The following CCDC171 variants were observed in gnomAD, a reference collection of about 807,000 sequenced individuals.
CCDC171 encodes the protein coiled-coil domain-containing protein 171.
In CCDC171, 177 loss-of-function variants were observed where a neutral mutation model predicts 168.2. The observed-to-expected ratio is 1.05, with a 90% CI of 0.93 to 1.19. The LOEUF is 1.19. Among genes scored for constraint, CCDC171 ranks in the 50% most tolerant of loss-of-function variants. CCDC171 has a pLI of 0.00. For missense variants in CCDC171, 1,991 were observed against 1,539.0 expected (o/e 1.29, Z -4.91); for synonymous variants, 687 against 540.8 (o/e 1.27, Z -3.75).
intron 21 of CCDC171, among the ~76,000 whole-genome samples, chr9:15,787,996 T>C (rs1365237540): frequency 6.6e-6 from 1 of 152,210 alleles, no homozygotes; most frequent in Non-Finnish European, 1.5e-5. Flanking sequence ...ATAGTTTGTG[T>C]TTAGGTATAA....
intron 21 of CCDC171, among the ~76,000 whole-genome samples, chr9:15,838,441 G>A (rs1313561463): frequency 6.6e-6 from 1 of 152,018 alleles, no homozygotes; most frequent in Non-Finnish European, 1.5e-5. Context: ...GATCAAAGAG[G>A]GCTGCTTCAC....
chr9:15,605,372 C>G (rs1297745945), intron 6 of CCDC171, among the ~76,000 whole-genome samples: 1 of 151,850 alleles, frequency 6.6e-6, no homozygotes, highest in East Asian at 1.9e-4. Context: ...ACACTGATAA[C>G]TTTGTTATAA....
chr9:15,920,145 A>G (rs1825120359), intron 24 of CCDC171, 125 bp from the exon 25 acceptor site: 2 of 548,018 alleles, frequency 3.6e-6, no homozygotes, highest in Non-Finnish European at 6.0e-6. Context: ...TAGCTTTATT[A>G]TTTTAAAGAA....
At chr9:15,761,977 T>A (rs2056469689) in intron 18 of CCDC171, among the ~76,000 whole-genome samples, 1 of 152,160 alleles carries the variant, frequency 6.6e-6, no homozygotes, top group Non-Finnish European at 1.5e-5. Flanking sequence ...GGATAATTCA[T>A]CCTTGAAAGT....
chr9:15,905,584 T>G (rs1341717958), intron 24 of CCDC171, among the ~76,000 whole-genome samples: 1 of 152,038 alleles, frequency 6.6e-6, no homozygotes, highest in African/African-American at 2.4e-5. Context: ...AGATCTAAAA[T>G]TGACATCCTA....
intron 9 of CCDC171, 55 bp downstream of exon 9, chr9:15,666,378 A>G (rs1034592070): frequency 2.6e-5 from 33 of 1,263,192 alleles, no homozygotes; most frequent in East Asian, 1.5e-4. Flanking sequence ...TAAAAGAGCT[A>G]TATAAAATAT....
At chr9:15,870,185 G>A (rs1360351670) in intron 23 of CCDC171, among the ~76,000 whole-genome samples, 2 of 151,766 alleles carry the variant, frequency 1.3e-5, no homozygotes, top group African/African-American at 4.8e-5. Flanking sequence ...CTGCTCTTTG[G>A]TGCATAGGTT....
the CCDC171 span, among the ~76,000 whole-genome samples, chr9:16,095,458 C>A: frequency 6.6e-6 from 1 of 152,058 alleles, no homozygotes; most frequent in Non-Finnish European, 1.5e-5. Context: ...TCCACACTTT[C>A]TTTCTCTCTC....
At chr9:15,883,935 A>G (rs1211158535) in intron 24 of CCDC171, among the ~76,000 whole-genome samples, 1 of 152,250 alleles carries the variant, frequency 6.6e-6, no homozygotes, top group Admixed American at 6.5e-5. Flanking sequence ...CAGTTATGCA[A>G]CTTTGCTAGA....
intron 16 of CCDC171, among the ~76,000 whole-genome samples, chr9:15,736,259 C>G (rs189720620): frequency 2.6e-5 from 4 of 152,140 alleles, no homozygotes; most frequent in African/African-American, 9.7e-5. Flanking sequence ...TATTGTAATA[C>G]TGCTTCTTTT....
chr9:15,768,065 C>T (rs916000497), intron 18 of CCDC171, among the ~76,000 whole-genome samples: 4 of 150,032 alleles, frequency 2.7e-5, no homozygotes, highest in Admixed American at 6.7e-5. Flanking sequence ...CTTGTTGTCC[C>T]GAGCAGTCCC....
At chr9:15,876,727 A>G (rs1817891186) in intron 24 of CCDC171, among the ~76,000 whole-genome samples, 1 of 151,890 alleles carries the variant, frequency 6.6e-6, no homozygotes, top group African/African-American at 2.4e-5. Flanking sequence ...ATAGTATGAA[A>G]CTCTAATTTC....
At chr9:15,777,448 A>T in intron 18 of CCDC171, 152 bp from the exon 19 acceptor site, 1 of 513,642 alleles carries the variant, frequency 1.9e-6, no homozygotes, top group South Asian at 3.3e-5. Context: ...TTTCATAGTG[A>T]AAATAATGTG....
At chr9:15,707,669 A>G (rs1179229161) in intron 11 of CCDC171, among the ~76,000 whole-genome samples, 1 of 152,206 alleles carries the variant, frequency 6.6e-6, no homozygotes, top group African/African-American at 2.4e-5. Context: ...AAGTTTAAAA[A>G]CATACTATTA....
intron 3 of CCDC171, among the ~76,000 whole-genome samples, chr9:15,576,959 C>T (rs2040719864): frequency 6.6e-6 from 1 of 152,188 alleles, no homozygotes. Context: ...GGCTGGTTAC[C>T]TCAGTCAGAA....
At chr9:15,953,706 G>A (rs1829462633) in intron 25 of CCDC171, among the ~76,000 whole-genome samples, 1 of 152,130 alleles carries the variant, frequency 6.6e-6, no homozygotes, top group African/African-American at 2.4e-5. Context: ...TTATTTGGAA[G>A]TGTTCCCTTT....
At chr9:16,051,625 A>G (rs60249192) in intron 1 of CCDC171, among the ~76,000 whole-genome samples, 2,601 of 152,208 alleles carry the variant, frequency 0.017, 91 homozygotes, top group African/African-American at 0.06. Flanking sequence ...ATTAAACTTC[A>G]CTTGCTACCC....
intron 7 of CCDC171, among the ~76,000 whole-genome samples, chr9:15,630,501 T>C (rs1277824273): frequency 1.3e-5 from 2 of 152,138 alleles, no homozygotes; most frequent in Non-Finnish European, 2.9e-5. Context: ...GTGCACCCAA[T>C]ACAGGAGCAC....
In CCDC171 at chr9:15,591,412, A is replaced by C. The variant is rs775162549; in HGVS notation, c.399A>C (p.Ala133=). The change falls in exon 5 of 26, where the codon GCA becomes GCC. Residue 133 remains alanine, a synonymous_variant. Coordinates refer to ENST00000380701, the MANE Select transcript of CCDC171 (RefSeq NM_173550.4). ...CAAAGACAAATGAGACTGAGAAAGCATTTCAGACTTCTCAGCAAAAATGGA... is the reference window on the plus strand; with the variant it reads ...CAAAGACAAATGAGACTGAGAAAGCCTTTCAGACTTCTCAGCAAAAATGGA... ...LQAKTNETEK[A]FQTSQQKWKE... The C allele has an allele frequency of 5.0e-6, 8 of 1,608,810 alleles. No individual in the cohort carries two copies. In the African/African-American group the frequency reaches 6.7e-5, roughly 13 times the overall value.
Sources: allele counts gnomAD v4.1 joint callset (sites outside exome capture counted in the v4.1 genomes callset), GRCh38; gene constraint gnomAD v4.1.1; transcripts MANE v1.5; gene names NCBI Gene and HGNC (gene_info 2026-07-23, HGNC 2026-07-21).